FMN1: variants seen among roughly 807,000 people sequenced by gnomAD.
The protein encoded by FMN1 is formin 1.
Under a neutral mutation model 132.4 loss-of-function variants are expected in FMN1, and 110 were observed. The ratio of observed to expected loss-of-function variants is 0.83; its 90% CI spans 0.71 to 0.97. The LOEUF (loss-of-function observed/expected upper bound fraction) is 0.97, where lower values mean the gene tolerates loss of function less well. Among genes scored for constraint, FMN1 ranks in the 50% least tolerant of loss-of-function variants. The pLI is 0.00. For synonymous variants in FMN1, 722 were observed against 651.7 expected, an observed-to-expected ratio of 1.11 and a Z score of -1.64; for missense variants, 1,792 against 1,705.3, an observed-to-expected ratio of 1.05 and a Z score of -0.90.
chr15:32,831,679 G>A (rs1190833207), intron 17 of FMN1, among the ~76,000 whole-genome samples: 1 of 151,730 alleles, frequency 6.6e-6, no homozygotes, highest in Non-Finnish European at 1.5e-5. Flanking sequence ...TAGAGACTAT[G>A]AAGATAATCT....
chr15:32,976,080 T>C (rs2032179098), intron 7 of FMN1, among the ~76,000 whole-genome samples: 1 of 152,112 alleles, frequency 6.6e-6, no homozygotes, highest in African/African-American at 2.4e-5. Context: ...CGTTAGCATT[T>C]TGTTGTTAAA....
At chr15:32,793,514 C>T (rs984289024) in intron 19 of FMN1, among the ~76,000 whole-genome samples, 11 of 152,182 alleles carry the variant, frequency 7.2e-5, no homozygotes, top group Admixed American at 2.6e-4. Flanking sequence ...CGCCTGACCT[C>T]AGGTCATCCA....
In FMN1 at chr15:32,774,516, C is replaced by T. The variant is rs574148592; in HGVS notation, c.4216-162G>A. Among the ~76,000 whole-genome samples, 5 of 151,080 alleles carry T rather than the reference C, an allele frequency of 3.3e-5. No homozygotes were observed. In the South Asian group the frequency reaches 8.5e-4, roughly 26 times the overall value. On this transcript the variant is annotated intron_variant, in intron 20 of 20. Coordinates refer to ENST00000616417, the MANE Select transcript of FMN1 (RefSeq NM_001277313.2). Reference sequence around the variant, plus strand: ...CTTTCCCTAAGCTCTTAGTTATCTGCCCCTCCCTACCTATCACCCTTACTC... The same window carrying T: ...CTTTCCCTAAGCTCTTAGTTATCTGTCCCTCCCTACCTATCACCCTTACTC...
intron 3 of FMN1, among the ~76,000 whole-genome samples, chr15:33,156,045 A>C (rs576790605): frequency 6.6e-6 from 1 of 152,326 alleles, no homozygotes; most frequent in South Asian, 2.1e-4. Context: ...TATTTTCCTC[A>C]GGTTTTTTCT....
At chr15:33,096,222 T>C (rs540800089) in intron 4 of FMN1, among the ~76,000 whole-genome samples, 1 of 152,218 alleles carries the variant, frequency 6.6e-6, no homozygotes, top group Admixed American at 6.5e-5. Flanking sequence ...AACAGCTGTA[T>C]AATCTTAGTT....
intron 4 of FMN1, among the ~76,000 whole-genome samples, chr15:33,122,520 C>G (rs982424397): frequency 2.0e-5 from 3 of 152,160 alleles, no homozygotes; most frequent in Admixed American, 1.3e-4. Flanking sequence ...TTCTAGATGT[C>G]CCAAGTATTT....
At chr15:33,122,931 C>A (rs1962703748) in intron 4 of FMN1, among the ~76,000 whole-genome samples, 1 of 152,074 alleles carries the variant, frequency 6.6e-6, no homozygotes, top group South Asian at 2.1e-4. Flanking sequence ...AGGCAGTGAG[C>A]TAAATGCTTT....
chr15:33,023,194 G>C (rs2035505561), intron 6 of FMN1, among the ~76,000 whole-genome samples: 1 of 150,730 alleles, frequency 6.6e-6, no homozygotes, highest in Non-Finnish European at 1.5e-5. Context: ...GAGCGACTTA[G>C]TCTGGGGGTC....
At chr15:33,193,888 G>A (rs1294575817) in intron 2 of FMN1, 21 bp downstream of exon 2, 1 of 152,060 alleles carries the variant, frequency 6.6e-6, no homozygotes, top group Non-Finnish European at 1.5e-5. Context: ...GGAGGGGGTT[G>A]GGGGATCCGT....
chr15:32,873,373 CG>C (rs1378824779), intron 16 of FMN1, among the ~76,000 whole-genome samples: 1 of 152,126 alleles, frequency 6.6e-6, no homozygotes, highest in Non-Finnish European at 1.5e-5. Context: ...GCTTGCTGGA[CG>C]CCGTTAGTGG....
intron 6 of FMN1, among the ~76,000 whole-genome samples, chr15:33,018,119 G>A (rs568017099): frequency 1.3e-5 from 2 of 152,086 alleles, no homozygotes; most frequent in African/African-American, 2.4e-5. Flanking sequence ...TTAAGGTGAT[G>A]GTACTAGGAG....
chr15:32,792,873 G>C (rs2057139600), intron 19 of FMN1, among the ~76,000 whole-genome samples: 2 of 152,170 alleles, frequency 1.3e-5, no homozygotes, highest in South Asian at 4.1e-4. Flanking sequence ...CCACAAAAGA[G>C]AAGAAAACTG....
chr15:33,008,039 T>C lies in FMN1; in HGVS notation c.2198A>G (p.His733Arg), dbSNP rs756678856. The C allele has an allele frequency of 8.7e-6, 14 of 1,601,292 alleles. No individual in the cohort carries two copies. The highest frequency in any genetic ancestry group is 1.3e-5 in the African/African-American group (1 of 74,764). Residue 733 changes from histidine to arginine, a missense_variant, in exon 7 of 21, where the codon CAC becomes CGC. His to Arg is a conservative substitution (Grantham distance 29). Transcript: ENST00000616417. ...CTGCAGGTTTTCAATTTCTTCTTTG[T>C]GCTCCCTCTTCAAGTGTAAAATAGC... ...QAAILHLKRE[H>R]KEEIENLQAQ...
chr15:32,882,896 AG>A (rs2059804900), intron 16 of FMN1, among the ~76,000 whole-genome samples: 1 of 152,262 alleles, frequency 6.6e-6, no homozygotes, highest in Non-Finnish European at 1.5e-5. Context: ...TGACTGACTC[AG>A]GCAAGGGCCA....
chr15:32,838,951 G>A (rs1206768986), intron 17 of FMN1, among the ~76,000 whole-genome samples: 1 of 152,242 alleles, frequency 6.6e-6, no homozygotes, highest in African/African-American at 2.4e-5. Context: ...ATTTGTGCAA[G>A]CACAGCAGCA....
intron 7 of FMN1, among the ~76,000 whole-genome samples, chr15:32,979,274 C>T (rs575111393): frequency 4.6e-5 from 7 of 152,122 alleles, no homozygotes; most frequent in Admixed American, 1.3e-4. Context: ...AGAAACCATT[C>T]GCCCGGCATG....
intron 17 of FMN1, among the ~76,000 whole-genome samples, chr15:32,832,169 T>G (rs2058518498): frequency 6.6e-6 from 1 of 152,180 alleles, no homozygotes; most frequent in African/African-American, 2.4e-5. Context: ...ACATCTGACA[T>G]GAATGCATTT....
chr15:32,939,449 A>ATT (rs35662665), intron 9 of FMN1, among the ~76,000 whole-genome samples: 4 of 150,756 alleles, frequency 2.7e-5, no homozygotes, highest in Non-Finnish European at 4.4e-5. Flanking sequence ...CATGACAAAG[A>ATT]TTTTTTTTTT....
chr15:32,826,593 A>T (rs1404803927), intron 17 of FMN1, among the ~76,000 whole-genome samples: 1 of 152,130 alleles, frequency 6.6e-6, no homozygotes, highest in Non-Finnish European at 1.5e-5. Context: ...TAGTGAGAAC[A>T]ACAAGGGAGT....
Sources: gnomAD v4.1 joint callset for allele counts (sites outside exome capture counted in the v4.1 genomes callset) on GRCh38, gnomAD v4.1.1 for gene constraint, MANE v1.5 for transcripts, NCBI Gene and HGNC (gene_info 2026-07-23, HGNC 2026-07-21) for gene names.